COL5A2: variants seen among roughly 807,000 people sequenced by gnomAD.
COL5A2 encodes collagen alpha-2(V) chain.
Under a neutral mutation model 208.2 loss-of-function variants are expected in COL5A2, and 23 were observed. That is an observed-to-expected ratio of 0.11 (90% CI 0.08 to 0.16). The LOEUF is 0.16. Among genes scored for constraint, COL5A2 ranks in the 10% least tolerant of loss-of-function variants. The pLI, the probability that COL5A2 is intolerant of heterozygous loss-of-function variation, is 1.00. For synonymous variants in COL5A2, 625 were observed against 628.5 expected (o/e 0.99, Z 0.08); for missense variants, 1,590 against 1,956.4 (o/e 0.81, Z 3.53).
At chr2:189,253,060 G>A in the COL5A2 span, among the ~76,000 whole-genome samples, 3 of 152,184 alleles carry the variant, frequency 2.0e-5, no homozygotes, top group African/African-American at 4.8e-5. Flanking sequence ...GGGGACAGTT[G>A]TAGGATGAAT....
the COL5A2 span, among the ~76,000 whole-genome samples, chr2:189,432,303 A>C: frequency 6.6e-6 from 1 of 152,198 alleles, no homozygotes; most frequent in Non-Finnish European, 1.5e-5. Flanking sequence ...CTAACATCAT[A>C]ATGACAGGAT....
At position 189,052,341 on chromosome 2, in the gene COL5A2, T is replaced by C. The variant is rs1685807867; in HGVS notation, c.2716-116A>G. 3.0e-6 allele frequency: 3 copies of C among 986,430 alleles called. No individual in the cohort carries two copies. In the South Asian group the frequency reaches 4.2e-5, roughly 14 times the overall value. 61.1% of individuals were successfully genotyped at this position (986,430 alleles called of 1,614,324 possible). On this transcript the variant is annotated intron_variant, in intron 40 of 53. Transcript: ENST00000374866. The stretch of plus-strand genomic sequence containing the variant: ...AGCCTTTAGATTTCCTTTCATGTTG[T>C]AAGCAATATTTTTTTTTCTTCGTAC...
chr2:189,328,937 T>C, the COL5A2 span, among the ~76,000 whole-genome samples: 1 of 152,080 alleles, frequency 6.6e-6, no homozygotes, highest in Non-Finnish European at 1.5e-5. Context: ...TGTTGGGAAG[T>C]CAAAAAAATT....
Position 189,081,023 on chromosome 2 carries a change from C to T in COL5A2, c.873G>A (p.Gly291=). The T allele has an allele frequency of 1.9e-6, 3 of 1,613,432 alleles. No homozygotes were observed. The highest frequency in any genetic ancestry group is 2.5e-6 in the Non-Finnish European group (3 of 1,179,552). The part of the protein sequence containing the change: ...AGSPGARGFP[G]APGLPGLKGH... Reference sequence around the variant, plus strand: ...CCTTCAGACCTGGAAGACCAGGAGCCCCAGGAAATCCACGAGCTCCCTGGG... The same window carrying T: ...CCTTCAGACCTGGAAGACCAGGAGCTCCAGGAAATCCACGAGCTCCCTGGG... Residue 291 remains glycine (G), a synonymous_variant, in exon 13 of 54, where the codon GGG becomes GGA. Transcript: ENST00000374866.
intron 1 of COL5A2, among the ~76,000 whole-genome samples, chr2:189,200,690 G>T (rs1444178977): frequency 6.8e-6 from 1 of 146,386 alleles, no homozygotes; most frequent in Non-Finnish European, 1.5e-5. Context: ...TTGTATTTAT[G>T]CTCCTGAAAG....
upstream of COL5A2, among the ~76,000 whole-genome samples, chr2:189,227,725 G>C (rs1007670280): frequency 6.6e-6 from 1 of 151,922 alleles, no homozygotes; most frequent in African/African-American, 2.4e-5. Context: ...AATATTGACA[G>C]AAGTGAAGGA....
chr2:189,348,039 A>G, the COL5A2 span, among the ~76,000 whole-genome samples: 2 of 151,730 alleles, frequency 1.3e-5, no homozygotes, highest in Non-Finnish European at 2.9e-5. Context: ...CATAATATTT[A>G]GACCAGAAAA....
the COL5A2 span, among the ~76,000 whole-genome samples, chr2:189,371,410 C>T: frequency 6.6e-6 from 1 of 152,004 alleles, no homozygotes; most frequent in African/African-American, 2.4e-5. Context: ...GTTTTGAGGT[C>T]TCAGAAAAAG....
the COL5A2 span, among the ~76,000 whole-genome samples, chr2:189,253,429 G>A: frequency 1.0e-3 from 154 of 152,312 alleles, no homozygotes; most frequent in East Asian, 0.011. Context: ...ACTCCATACC[G>A]AGTTCTTGGC....
chr2:189,349,615 T>C, the COL5A2 span, among the ~76,000 whole-genome samples: 1 of 152,316 alleles, frequency 6.6e-6, no homozygotes, highest in South Asian at 2.1e-4. Context: ...CTTCTTTAAT[T>C]AGATACAATA....
intron 1 of COL5A2, among the ~76,000 whole-genome samples, chr2:189,207,786 T>A (rs1227917760): frequency 6.6e-6 from 1 of 152,032 alleles, no homozygotes; most frequent in Non-Finnish European, 1.5e-5. Flanking sequence ...CTAAATCCAG[T>A]GCAAAAATCT....
the COL5A2 span, among the ~76,000 whole-genome samples, chr2:189,346,989 TA>T: frequency 6.6e-6 from 1 of 152,140 alleles, no homozygotes; most frequent in African/African-American, 2.4e-5. Context: ...CCAGCAAGAA[TA>T]AAACAAATTT....
At chr2:189,351,479 T>A in the COL5A2 span, among the ~76,000 whole-genome samples, 4,753 of 152,164 alleles carry the variant, frequency 0.031, 106 homozygotes, top group South Asian at 0.05. Flanking sequence ...TATAATAACA[T>A]CAAAAATCTC....
At chr2:189,105,471 T>C (rs1298807734) in intron 2 of COL5A2, among the ~76,000 whole-genome samples, 2 of 151,606 alleles carry the variant, frequency 1.3e-5, no homozygotes, top group African/African-American at 4.8e-5. Context: ...TTTGACAGTT[T>C]TGTCATATAT....
Position 189,066,428 on chromosome 2 carries a change from G to A in COL5A2, c.1525C>T (p.Pro509Ser). ...EEGKRGPRGD[P>S]GTVGPPGPVG... The stretch of plus-strand genomic sequence containing the variant: ...GGCCCTGGAGGACCAACTGTTCCTG[G>A]GTCACCTCTGGGACCTCTTTTGCCT... Residue 509 changes from proline (P) to serine (S), a missense_variant, in exon 23 of 54, where the codon CCA becomes TCA. Transcript: ENST00000374866. The A allele has an allele frequency of 9.3e-6, 15 of 1,614,026 alleles. No homozygotes were observed. The highest frequency in any genetic ancestry group is 1.2e-5 in the Non-Finnish European group (14 of 1,180,002).
At chr2:189,278,558 C>T in the COL5A2 span, among the ~76,000 whole-genome samples, 1 of 151,922 alleles carries the variant, frequency 6.6e-6, no homozygotes, top group East Asian at 1.9e-4. Flanking sequence ...TCTTAAAATC[C>T]ATTATAAAGA....
intron 1 of COL5A2, among the ~76,000 whole-genome samples, chr2:189,172,938 T>A (rs1688599814): frequency 6.6e-6 from 1 of 150,854 alleles, no homozygotes; most frequent in Non-Finnish European, 1.5e-5. Flanking sequence ...TTAATTAATA[T>A]TAATTAATAT....
At chr2:189,064,153 A>G in intron 25 of COL5A2, 120 bp from the exon 26 acceptor site, 1 of 824,428 alleles carries the variant, frequency 1.2e-6, no homozygotes, top group Admixed American at 2.3e-5. Flanking sequence ...CTGTAAATCA[A>G]ATAAATTTTT....
chr2:189,049,566 T>C, intron 43 of COL5A2, 112 bp from the exon 44 acceptor site: 1 of 807,468 alleles, frequency 1.2e-6, no homozygotes, highest in East Asian at 2.7e-5. Context: ...TAATAATAAT[T>C]TTGCATTATC....
Sources: gnomAD v4.1 joint callset for allele counts (sites outside exome capture counted in the v4.1 genomes callset) on GRCh38, gnomAD v4.1.1 for gene constraint, MANE v1.5 for transcripts, NCBI Gene and HGNC (gene_info 2026-07-23, HGNC 2026-07-21) for gene names.